CFAP47: variants seen among roughly 807,000 people sequenced by gnomAD.
CFAP47 encodes the protein cilia and flagella associated protein 47, also known as cilia- and flagella-associated protein 47.
Under a neutral mutation model 148.1 loss-of-function variants are expected in CFAP47, and 29 were observed. The observed-to-expected ratio is 0.20, with a 90% CI of 0.15 to 0.27. CFAP47 has a LOEUF of 0.27. Among genes scored for constraint, CFAP47 ranks in the 10% least tolerant of loss-of-function variants. CFAP47 has a pLI of 1.00. For synonymous variants in CFAP47, 664 were observed against 577.3 expected (o/e 1.15, Z -2.15); for missense variants, 1,872 against 1,697.5 (o/e 1.10, Z -1.81).
At chrX:36,068,228 T>G (rs778209952) in intron 27 of CFAP47, among the ~76,000 whole-genome samples, 11 of 112,221 alleles carry the variant, frequency 9.8e-5, no homozygotes, top group Admixed American at 8.5e-4. Flanking sequence ...TGCCTCTGCA[T>G]GCAAAAATTA....
At chrX:36,160,575 G>A (rs1457936721) in intron 38 of CFAP47, 106 bp from the exon 39 acceptor site, 5 of 268,852 alleles carry the variant, frequency 1.9e-5, no homozygotes, top group Non-Finnish European at 3.3e-5. Context: ...TACTGTCAGT[G>A]TAATATTAAA....
intron 22 of CFAP47, among the ~76,000 whole-genome samples, chrX:36,021,362 G>A (rs1937156221): frequency 9.1e-6 from 1 of 110,289 alleles, no homozygotes; most frequent in Non-Finnish European, 1.9e-5. Flanking sequence ...GGAGTGCAGT[G>A]GCATGATCTT....
chrX:35,962,598 C>T, intron 8 of CFAP47, among the ~76,000 whole-genome samples: 1 of 110,608 alleles, frequency 9.0e-6, no homozygotes, highest in Non-Finnish European at 1.9e-5. Context: ...TCTATTTTGT[C>T]TTATATTAGT....
intron 2 of CFAP47, among the ~76,000 whole-genome samples, chrX:35,931,594 A>T (rs1161610736): frequency 9.0e-6 from 1 of 111,080 alleles, no homozygotes; most frequent in African/African-American, 3.3e-5. Flanking sequence ...TTTGTTTCTC[A>T]TACTTCTGTT....
Position 35,951,311 on chromosome X carries a change from C to G in CFAP47, c.837C>G (p.Pro279=), listed in dbSNP as rs750192389. ...HARVYNNSPE[P]INWVAIIQDD... is the part of the protein sequence containing the mutation. ...GTGTATACAATAATAGCCCAGAGCC[C>G]ATAAATTGGGTGGCCATCATACAAG... Residue 279 remains proline, a synonymous_variant, in exon 5 of 64, where the codon CCC becomes CCG. Transcript: ENST00000378653. 6 of 1,207,562 alleles carry G rather than the reference C, an allele frequency of 5.0e-6. No homozygotes were observed. The highest frequency in any genetic ancestry group is 2.2e-5 in the Admixed American group (1 of 45,601).
intron 33 of CFAP47, among the ~76,000 whole-genome samples, chrX:36,125,389 G>A (rs1309224962): frequency 1.8e-5 from 2 of 110,869 alleles, no homozygotes; most frequent in African/African-American, 6.6e-5. Context: ...TGAGTAGCAG[G>A]TGGAAATGTT....
At position 36,085,266 on chromosome X, in the gene CFAP47, A is replaced by T. The variant is rs369460351; in HGVS notation, c.4692-48A>T. The T allele has an allele frequency of 5.0e-6, 4 of 805,808 alleles. No individual in the cohort carries two copies. In the African/African-American group the frequency reaches 6.2e-5, roughly 12 times the overall value. 66.4% of individuals were successfully genotyped at this position (805,808 alleles called of 1,213,427 possible). On this transcript the variant is annotated intron_variant, in intron 29 of 63. Coordinates refer to ENST00000378653, the MANE Select transcript of CFAP47 (RefSeq NM_001304548.2). ...TTGAACATGTTTTTTTTTCCCCCAT[A>T]CTATAACATTTTGAGACTGTTTTTA... is the stretch of plus-strand genomic sequence containing the variant.
At chrX:35,960,380 GAAAAAAAAAAA>G (rs1188987905) in intron 8 of CFAP47, among the ~76,000 whole-genome samples, 22 of 15,482 alleles carry the variant, frequency 1.4e-3, no homozygotes, top group African/African-American at 3.9e-3. Flanking sequence ...GCTAATTTCT[GAAAAAAAAAAA>G]AAAAAAAAAA....
intron 45 of CFAP47, among the ~76,000 whole-genome samples, chrX:36,226,597 A>C (rs1251125919): frequency 3.6e-5 from 4 of 111,494 alleles, no homozygotes; most frequent in African/African-American, 9.8e-5. Flanking sequence ...AATTTCCACA[A>C]ATTCCACTAT....
chrX:36,379,394 T>C lies in CFAP47; in HGVS notation c.9230T>C (p.Leu3077Pro). 1 of 1,167,031 alleles carries C rather than the reference T, an allele frequency of 8.6e-7. No individual in the cohort carries two copies. Among genetic ancestry groups the C allele is most frequent in the Non-Finnish European group, 1.1e-6 (1 of 872,098 alleles). Residue 3077 changes from leucine to proline, a missense_variant, in exon 63 of 64, where the codon CTG becomes CCG. Transcript: ENST00000378653. The part of the protein sequence containing the change: ...FTAHFLPGSD[L>P]EFFVKPQAGE... Reference sequence around the variant, plus strand: ...GCACACTTCCTACCTGGCAGCGATCTGGAGTTTTTTGTAAAACCTCAGGCT... The same window carrying C: ...GCACACTTCCTACCTGGCAGCGATCCGGAGTTTTTTGTAAAACCTCAGGCT...
intron 59 of CFAP47, among the ~76,000 whole-genome samples, chrX:36,352,139 A>G (rs1941747736): frequency 9.0e-6 from 1 of 111,112 alleles, no homozygotes; most frequent in Admixed American, 9.6e-5. Context: ...ATGATAATTC[A>G]TTGTGATTGA....
intron 27 of CFAP47, among the ~76,000 whole-genome samples, chrX:36,067,659 A>AT (rs368910671): frequency 0.026 from 2,398 of 91,575 alleles, 81 homozygotes; most frequent in African/African-American, 0.086. Context: ...GGCCACGGTG[A>AT]TTTTTTTTTT....
chrX:35,969,265 T>A (rs1169608664), intron 10 of CFAP47, among the ~76,000 whole-genome samples: 2 of 111,268 alleles, frequency 1.8e-5, no homozygotes, highest in Admixed American at 9.6e-5. Flanking sequence ...TATAGTGTAT[T>A]TACTTGTTGA....
At chrX:36,070,089 A>G (rs761488223) in intron 27 of CFAP47, among the ~76,000 whole-genome samples, 21 of 111,870 alleles carry the variant, frequency 1.9e-4, no homozygotes, top group Non-Finnish European at 3.9e-4. Context: ...TTCTGGAAAT[A>G]ATGCACACCT....
At chrX:36,123,638 G>A (rs1159008247) in intron 33 of CFAP47, among the ~76,000 whole-genome samples, 1 of 110,707 alleles carries the variant, frequency 9.0e-6, no homozygotes, top group Non-Finnish European at 1.9e-5. Context: ...TCTTCAGTAA[G>A]CTTGTAGTAA....
At chrX:36,065,554 T>A in intron 26 of CFAP47, 89 bp from the exon 27 acceptor site, 1 of 501,944 alleles carries the variant, frequency 2.0e-6, no homozygotes, top group Non-Finnish European at 3.4e-6. Flanking sequence ...CATGTCTTCA[T>A]CATTAAGGGC....
chrX:35,985,547 G>T (rs1235145849), intron 15 of CFAP47, among the ~76,000 whole-genome samples: 1 of 110,954 alleles, frequency 9.0e-6, no homozygotes, highest in Non-Finnish European at 1.9e-5. Context: ...GTCTGCTATA[G>T]TTCCTTGATG....
chrX:35,956,036 C>T lies in CFAP47; in HGVS notation c.1250C>T (p.Pro417Leu), dbSNP rs1936240077. Reference protein sequence around the residue: ...LPVLLQFDPGPVLNFKPCFMG... With the variant: ...LPVLLQFDPGLVLNFKPCFMG... ...GTTTTACTACAGTTTGATCCAGGAC[C>T]AGTTCTTAATTTTAAACCTTGTTTC... The change falls in exon 8 of 64, where the codon CCA becomes CTA. Residue 417 changes from proline to leucine, a missense_variant. Transcript: ENST00000378653. 8.3e-7 allele frequency: 1 copy of T among 1,211,588 alleles called. No homozygotes were observed. The highest frequency in any genetic ancestry group is 3.0e-5 in the East Asian group (1 of 33,817).
intron 33 of CFAP47, among the ~76,000 whole-genome samples, chrX:36,109,784 C>T (rs1025210584): frequency 7.2e-5 from 8 of 111,862 alleles, no homozygotes; most frequent in African/African-American, 1.3e-4. Flanking sequence ...TACTTTTTGA[C>T]TTTTTAATAA....
Sources: allele counts gnomAD v4.1 joint callset (sites outside exome capture counted in the v4.1 genomes callset), GRCh38; gene constraint gnomAD v4.1.1; transcripts MANE v1.5; gene names NCBI Gene and HGNC (gene_info 2026-07-23, HGNC 2026-07-21).